Variants in EWSR1 observed in about 807,000 individuals in gnomAD.
The protein encoded by EWSR1 is EWS RNA binding protein 1.
In EWSR1, 14 loss-of-function variants were observed where a neutral mutation model predicts 92.1. The observed-to-expected ratio is 0.15, with a 90% confidence interval of 0.10 to 0.24. EWSR1 has a LOEUF of 0.24. Among genes scored for constraint, EWSR1 ranks in the 10% least tolerant of loss-of-function variants. The probability of loss-of-function intolerance (pLI) is 1.00; values close to 1 mark genes in which losing one functional copy is unlikely to be tolerated. For synonymous variants in EWSR1, 303 were observed against 292.9 expected (o/e 1.03, Z -0.35); for missense variants, 637 against 870.9 (o/e 0.73, Z 3.38).
Position 29,299,314 on chromosome 22 carries a change from C to A in EWSR1, c.1661C>A (p.Pro554Gln). ...KAPKPEGFLP[P>Q]PFPPPGGDRG... is the part of the protein sequence containing the mutation. ...CCAAAGCCTGAAGGCTTCCTCCCGC[C>A]ACCCTTTCCGCCCCCGGGTAGGTGC... The change falls in exon 15 of 17, where the codon CCA becomes CAA. Residue 554 changes from proline (P) to glutamine (Q), a missense_variant. By Grantham distance (76) the Pro-to-Gln change is moderately conservative. Transcript: ENST00000397938. 1.2e-6 allele frequency: 2 copies of A among 1,613,836 alleles called. No individual in the cohort carries two copies. The highest frequency in any genetic ancestry group is 1.7e-6 in the Non-Finnish European group (2 of 1,179,730).
intron 7 of EWSR1, among the ~76,000 whole-genome samples, chr22:29,287,737 G>C (rs981822618): frequency 2.0e-5 from 3 of 152,202 alleles, no homozygotes; most frequent in Non-Finnish European, 4.4e-5. Flanking sequence ...TGGGGAAGTT[G>C]TATGCAGTGA....
intron 11 of EWSR1, among the ~76,000 whole-genome samples, chr22:29,293,504 T>A (rs2060604876): frequency 6.6e-6 from 1 of 151,908 alleles, no homozygotes; most frequent in South Asian, 2.1e-4. Flanking sequence ...TTTACATTTT[T>A]ATGATACTGA....
At chr22:29,298,538 T>C (rs2061061645) in intron 13 of EWSR1, among the ~76,000 whole-genome samples, 195 bp from the exon 14 acceptor site, 1 of 150,396 alleles carries the variant, frequency 6.6e-6, no homozygotes, top group African/African-American at 2.4e-5. Flanking sequence ...GTGGGAGCTC[T>C]GTTTCTGTAG....
rs2058879317 is a variant in EWSR1, at chr22:29,273,735, G to GA, written c.103-5dup. The GA allele has an allele frequency of 6.3e-7, 1 of 1,599,140 alleles. No individual in the cohort carries two copies. The highest frequency in any genetic ancestry group is 8.5e-7 in the Non-Finnish European group (1 of 1,175,794). ...AAGTTCTTGCATTCGTTTTTTTTTGGAGCAGGCATATGGGCAACAAAGCTA... is the reference window on the plus strand; with the variant it reads ...AAGTTCTTGCATTCGTTTTTTTTTGGAAGCAGGCATATGGGCAACAAAGCTA... On this transcript the variant is annotated splice_region_variant and splice_polypyrimidine_tract_variant and intron_variant, in intron 3 of 16. Transcript: ENST00000397938.
At chr22:29,279,099 A>G (rs1306729910) in intron 5 of EWSR1, among the ~76,000 whole-genome samples, 1 of 152,122 alleles carries the variant, frequency 6.6e-6, no homozygotes, top group East Asian at 1.9e-4. Flanking sequence ...GGAGAAGGCT[A>G]TTGTTTTTAA....
At chr22:29,275,561 A>G (rs900523761) in intron 4 of EWSR1, 8 of 226,388 alleles carry the variant, frequency 3.5e-5, no homozygotes, top group African/African-American at 1.8e-4. Flanking sequence ...AAAAACACCA[A>G]AATTAAGCCT....
At chr22:29,281,071 G>T (rs1308156670) in intron 5 of EWSR1, among the ~76,000 whole-genome samples, 1 of 151,644 alleles carries the variant, frequency 6.6e-6, no homozygotes. Flanking sequence ...AGTAGAGACA[G>T]GGTTTCACTG....
At chr22:29,280,882 T>TG (rs2059537282) in intron 5 of EWSR1, among the ~76,000 whole-genome samples, 1 of 118,386 alleles carries the variant, frequency 8.4e-6, no homozygotes, top group Non-Finnish European at 1.9e-5. Flanking sequence ...TTTTTTTTTT[T>TG]TTTTTTTTTT....
chr22:29,272,549 C>T, intron 3 of EWSR1, 118 bp downstream of exon 3: 1 of 1,068,546 alleles, frequency 9.4e-7, no homozygotes, highest in Non-Finnish European at 1.4e-6. Flanking sequence ...AGTAAAATAC[C>T]CAGGCATTTT....
At chr22:29,276,854 A>G (rs1312399653) in intron 4 of EWSR1, 6 of 230,494 alleles carry the variant, frequency 2.6e-5, no homozygotes, top group Non-Finnish European at 5.2e-5. Context: ...GTCTCACTAT[A>G]TTGCCCAGGG....
At chr22:29,299,020 G>A (rs2061118684) in intron 14 of EWSR1, 125 bp downstream of exon 14, 4 of 1,319,240 alleles carry the variant, frequency 3.0e-6, no homozygotes, top group Non-Finnish European at 3.1e-6. Context: ...GGCTGGTTAG[G>A]GACACTAGTC....
intron 4 of EWSR1, 142 bp downstream of exon 4, chr22:29,274,006 TTC>T: frequency 8.9e-7 from 1 of 1,119,060 alleles, no homozygotes; most frequent in African/African-American, 1.6e-5. Context: ...GAGGTATTTT[TTC>T]TCTTTCTTCC....
At chr22:29,274,402 G>C (rs2058940428) in intron 4 of EWSR1, 2 of 1,102,744 alleles carry the variant, frequency 1.8e-6, no homozygotes, top group Non-Finnish European at 2.8e-6. Flanking sequence ...ATCACACACA[G>C]CAAGGTGCTA....
intron 7 of EWSR1, among the ~76,000 whole-genome samples, chr22:29,287,757 A>G (rs1297829837): frequency 6.6e-6 from 1 of 152,216 alleles, no homozygotes; most frequent in African/African-American, 2.4e-5. Flanking sequence ...AGTAAATTCA[A>G]CATCGTTTTT....
At position 29,278,077 on chromosome 22, in the gene EWSR1, G is replaced by A; in HGVS notation, c.274G>A (p.Gly92Arg). Residue 92 changes from glycine to arginine, a missense_variant, in exon 5 of 17, where the codon GGG becomes AGG. Gly to Arg is a moderately radical substitution (Grantham distance 125). Coordinates refer to ENST00000397938, the MANE Select transcript of EWSR1 (RefSeq NM_005243.4). ...APQAYSQPVQ[G>R]YGTGAYDTTT... is the part of the protein sequence containing the mutation. ...CCAGGCATACAGCCAGCCTGTCCAG[G>A]GGTATGGCACTGGTGCTTATGATAC... 6.2e-7 allele frequency: 1 copy of A among 1,614,018 alleles called. No homozygotes were observed.
intron 5 of EWSR1, among the ~76,000 whole-genome samples, chr22:29,278,836 A>AT (rs1035431253): frequency 1.1e-3 from 164 of 151,608 alleles, no homozygotes; most frequent in Non-Finnish European, 1.9e-3. Context: ...AAAAAAAAAA[A>AT]ATAGAAAAAT....
Position 29,300,461 on chromosome 22 carries a change from A to C in EWSR1, c.*300A>C. 3.3e-6 allele frequency: 1 copy of C among 303,986 alleles called. No individual in the cohort carries two copies. The highest frequency in any genetic ancestry group is 6.0e-6 in the Non-Finnish European group (1 of 166,584). 18.8% of individuals were successfully genotyped at this position (303,986 alleles called of 1,614,324 possible). Reference sequence around the variant, plus strand: ...CCAAGAGGGCCTCTTAACTGTAACAATGTTCATGGTTGTGATGTTTTTTTT... The same window carrying C: ...CCAAGAGGGCCTCTTAACTGTAACACTGTTCATGGTTGTGATGTTTTTTTT... On this transcript the variant is annotated 3_prime_UTR_variant, in exon 17 of 17. Transcript: ENST00000397938.
At chr22:29,299,155 A>AC in intron 14 of EWSR1, 79 bp from the exon 15 acceptor site, 2 of 1,612,182 alleles carry the variant, frequency 1.2e-6, no homozygotes, top group Non-Finnish European at 1.7e-6. Flanking sequence ...GTGAGTGTGT[A>AC]CCTGTTCACA....
At position 29,278,168 on chromosome 22, in the gene EWSR1, C is replaced by T. The variant is rs2059264184; in HGVS notation, c.365C>T (p.Pro122Leu). Residue 122 changes from proline (P) to leucine (L), a missense_variant, in exon 5 of 17, where the codon CCT (proline) becomes CTT (leucine). Transcript: ENST00000397938. ...GCTCAGTCTGCATATGGCACTCAGC[C>T]TGCTTATCCAGCCTATGGGCAGCAG... ...YAAQSAYGTQPAYPAYGQQPA... is the reference protein window; with the variant it reads ...YAAQSAYGTQLAYPAYGQQPA... 6.2e-7 allele frequency: 1 copy of T among 1,614,192 alleles called. No homozygotes were observed. The highest frequency in any genetic ancestry group is 8.5e-7 in the Non-Finnish European group (1 of 1,180,038).
Sources: allele counts gnomAD v4.1 joint callset (sites outside exome capture counted in the v4.1 genomes callset), GRCh38; gene constraint gnomAD v4.1.1; transcripts MANE v1.5; gene names NCBI Gene and HGNC (gene_info 2026-07-23, HGNC 2026-07-21).